Variants in SRCAP observed in about 807,000 individuals in gnomAD.
SRCAP encodes Snf2 related CREBBP activator protein.
Under a neutral mutation model 263.1 loss-of-function variants are expected in SRCAP, and 46 were observed. The ratio of observed to expected loss-of-function variants is 0.17; its 90% CI spans 0.14 to 0.22. SRCAP has a LOEUF of 0.22. Among genes scored for constraint, SRCAP ranks in the 10% least tolerant of loss-of-function variants. The pLI is 1.00. For missense variants in SRCAP, 3,695 were observed against 4,181.9 expected, an observed-to-expected ratio of 0.88 and a Z score of 3.21; for synonymous variants, 1,813 against 1,662.1, an observed-to-expected ratio of 1.09 and a Z score of -2.21.
chr16:30,720,767 C>A lies in SRCAP; in HGVS notation c.3042C>A (p.Asn1014Lys). ...QEGRTVVVVN[N>K]PRAPLGPVPV... Reference sequence around the variant, plus strand: ...GCCGGACAGTGGTGGTGGTGAACAACCCACGGGCGCCCCTGGGCCCTGTCC... The same window carrying A: ...GCCGGACAGTGGTGGTGGTGAACAAACCACGGGCGCCCCTGGGCCCTGTCC... The change falls in exon 20 of 34, where the codon AAC becomes AAA. Residue 1014 changes from asparagine to lysine, a missense_variant. Around this residue, in one of 12 missense-constraint regions of SRCAP, gnomAD observed 1,347 missense variants for 1,304.4 expected, o/e 1.03. Coordinates refer to ENST00000262518, the MANE Select transcript of SRCAP (RefSeq NM_006662.3). 2 of 1,613,848 alleles carry A rather than the reference C, an allele frequency of 1.2e-6. No homozygotes were observed. Among genetic ancestry groups the A allele is most frequent in the Non-Finnish European group, 1.7e-6 (2 of 1,179,914 alleles).
At chr16:30,728,277 T>C (rs1171291711) in intron 25 of SRCAP, among the ~76,000 whole-genome samples, 1 of 152,222 alleles carries the variant, frequency 6.6e-6, no homozygotes, top group African/African-American at 2.4e-5. Context: ...TCATGTTGTA[T>C]GGGGCCTACC....
At position 30,739,411 on chromosome 16, in the gene SRCAP, C is replaced by T. The variant is rs1307686651; in HGVS notation, c.9371C>T (p.Pro3124Leu). 6.2e-7 allele frequency: 1 copy of T among 1,614,114 alleles called. No homozygotes were observed. Among genetic ancestry groups the T allele is most frequent in the African/African-American group, 1.3e-5 (1 of 74,942 alleles). The change falls in exon 34 of 34, where the codon CCA becomes CTA. Residue 3124 changes from proline to leucine, a missense_variant. By Grantham distance (98) the Pro-to-Leu change is moderately conservative (BLOSUM62 -3). This residue lies in a region of SRCAP where 1,207 missense variants were observed against 1,142.9 expected (regional missense o/e 1.06). Transcript: ENST00000262518. ...AAACTGCGCTCGACCCGGCTGCGTCCAGGGTCTCTAGTCCCCCCACTAGAG... is the reference window on the plus strand; with the variant it reads ...AAACTGCGCTCGACCCGGCTGCGTCTAGGGTCTCTAGTCCCCCCACTAGAG... ...TPKLRSTRLRPGSLVPPLETE... is the reference protein window; with the variant it reads ...TPKLRSTRLRLGSLVPPLETE...
In SRCAP at chr16:30,721,408, C is replaced by T. The variant is rs1359544315; in HGVS notation, c.3473C>T (p.Ala1158Val). 2 of 1,613,714 alleles carry T rather than the reference C, an allele frequency of 1.2e-6. No homozygotes were observed. The highest frequency in any genetic ancestry group is 4.5e-5 in the East Asian group (2 of 44,890). The change falls in exon 21 of 34, where the codon GCA becomes GTA. Residue 1158 changes from alanine to valine, a missense_variant. By Grantham distance (64) the Ala-to-Val change is moderately conservative. Coordinates refer to ENST00000262518, the MANE Select transcript of SRCAP (RefSeq NM_006662.3). ...STTTATATTT[A>V]VPAPTPAPQR... ...ACCACGGCAACTGCTACCACCACAGCAGTGCCAGCTCCGACTCCTGCACCA... is the reference window on the plus strand; with the variant it reads ...ACCACGGCAACTGCTACCACCACAGTAGTGCCAGCTCCGACTCCTGCACCA...
At chr16:30,706,744 C>T (rs1189858893) in intron 4 of SRCAP, among the ~76,000 whole-genome samples, 2 of 152,112 alleles carry the variant, frequency 1.3e-5, no homozygotes, top group Non-Finnish European at 2.9e-5. Context: ...AAGTAGAATT[C>T]TACAATGATG....
In SRCAP at chr16:30,739,969, A is replaced by G. The variant is rs912104979; in HGVS notation, c.*236A>G. 1.0e-5 allele frequency: 5 copies of G among 498,682 alleles called. No homozygotes were observed. The highest frequency in any genetic ancestry group is 6.0e-5 in the African/African-American group (3 of 50,080). 30.9% of individuals were successfully genotyped at this position (498,682 alleles called of 1,614,324 possible). On this transcript the variant is annotated 3_prime_UTR_variant, in exon 34 of 34. Coordinates refer to ENST00000262518, the MANE Select transcript of SRCAP (RefSeq NM_006662.3). Reference sequence around the variant, plus strand: ...GCTGGGCAGTGTTAAGGGTGGCAAGATAGTCTCTGTCCCCACCCCCTTGTA... The same window carrying G: ...GCTGGGCAGTGTTAAGGGTGGCAAGGTAGTCTCTGTCCCCACCCCCTTGTA...
chr16:30,703,979 T>C, intron 3 of SRCAP, 85 bp from the exon 4 acceptor site: 2 of 1,477,552 alleles, frequency 1.4e-6, no homozygotes, highest in Non-Finnish European at 1.8e-6. Flanking sequence ...AGTTTTTTCT[T>C]GTGAAGATCG....
At chr16:30,702,850 C>T (rs1490595728) in intron 3 of SRCAP, among the ~76,000 whole-genome samples, 9 of 151,706 alleles carry the variant, frequency 5.9e-5, no homozygotes, top group South Asian at 2.1e-4. Flanking sequence ...GTGATCCGCC[C>T]GCCTCGGCCT....
intron 8 of SRCAP, 146 bp downstream of exon 8, chr16:30,710,274 A>G (rs1567241944): frequency 1.1e-6 from 1 of 899,226 alleles, no homozygotes; most frequent in Non-Finnish European, 1.7e-6. Flanking sequence ...TGACTGGGGA[A>G]GAATCTGTTT....
chr16:30,738,827 C>T lies in SRCAP; in HGVS notation c.8787C>T (p.Pro2929=), dbSNP rs781590684. Residue 2929 remains proline (P), a synonymous_variant, in exon 34 of 34, where the codon CCC becomes CCT. Transcript: ENST00000262518. Reference sequence around the variant, plus strand: ...CCCAGCCAGTTCACAGACCCAATCCCCTCCTGTCACCTGTGGAGAAAAGAA... The same window carrying T: ...CCCAGCCAGTTCACAGACCCAATCCTCTCCTGTCACCTGTGGAGAAAAGAA... ...LGPQPVHRPN[P]LLSPVEKRRR... The T allele has an allele frequency of 2.1e-5, 34 of 1,614,074 alleles. No individual in the cohort carries two copies. The highest frequency in any genetic ancestry group is 2.8e-5 in the Non-Finnish European group (33 of 1,179,978).
At chr16:30,714,529 TC>T (rs2052926846) in intron 16 of SRCAP, among the ~76,000 whole-genome samples, 1 of 145,090 alleles carries the variant, frequency 6.9e-6, no homozygotes, top group African/African-American at 2.6e-5. Flanking sequence ...TGAGACAGAG[TC>T]TCTCTCTGTC....
In SRCAP at chr16:30,704,269, C is replaced by G; in HGVS notation, c.260C>G (p.Pro87Arg). 6.2e-7 allele frequency: 1 copy of G among 1,613,388 alleles called. No homozygotes were observed. Among genetic ancestry groups the G allele is most frequent in the Admixed American group, 1.7e-5 (1 of 59,980 alleles). Residue 87 changes from proline (P) to arginine (R), a missense_variant, in exon 4 of 34, where the codon CCG (proline) becomes CGG (arginine). Pro to Arg is a moderately radical substitution (Grantham distance 103). Coordinates refer to ENST00000262518, the MANE Select transcript of SRCAP (RefSeq NM_006662.3). ...GCTGCTGACCTGGCTAACAAGGGCC[C>G]GAAGTGGGAGAAGAGCCATGCCGAA... ...SQAADLANKGPKWEKSHAEIA... is the reference protein window; with the variant it reads ...SQAADLANKGRKWEKSHAEIA...
intron 16 of SRCAP, among the ~76,000 whole-genome samples, chr16:30,715,092 G>C (rs768312162): frequency 7.9e-5 from 12 of 152,112 alleles, no homozygotes; most frequent in Non-Finnish European, 1.6e-4. Context: ...TCTCCAGTCT[G>C]TACTAAAATT....
At chr16:30,705,759 T>C (rs1417182159) in intron 4 of SRCAP, among the ~76,000 whole-genome samples, 1 of 149,974 alleles carries the variant, frequency 6.7e-6, no homozygotes, top group East Asian at 2.0e-4. Flanking sequence ...GAGGCTGGAG[T>C]GCAGTGGCAT....
chr16:30,711,359 G>A (rs1360315028), intron 10 of SRCAP, among the ~76,000 whole-genome samples: 3 of 152,220 alleles, frequency 2.0e-5, no homozygotes, highest in Non-Finnish European at 4.4e-5. Flanking sequence ...AGGCTCACCA[G>A]GTTGATAATG....
Position 30,721,356 on chromosome 16 carries a change from C to G in SRCAP, c.3421C>G (p.Pro1141Ala). The part of the protein sequence containing the change: ...LTVPPGYTFP[P>A]AAATTTSTTT... ...AGTGCCACCAGGCTACACCTTCCCT[C>G]CTGCTGCTGCCACCACCACTTCTAC... The change falls in exon 21 of 34, where the codon CCT (proline) becomes GCT (alanine). Residue 1141 changes from proline to alanine, a missense_variant. This residue lies in a region of SRCAP where 1,347 missense variants were observed against 1,304.4 expected (regional missense o/e 1.03). Transcript: ENST00000262518. The G allele has an allele frequency of 6.2e-7, 1 of 1,614,156 alleles. No individual in the cohort carries two copies. Among genetic ancestry groups the G allele is most frequent in the Non-Finnish European group, 8.5e-7 (1 of 1,180,042 alleles).
Position 30,734,522 on chromosome 16 carries a change from G to A in SRCAP, c.6636G>A (p.Met2212Ile), listed in dbSNP as rs1267434875. Residue 2212 changes from methionine (M) to isoleucine (I), a missense_variant, in exon 31 of 34, where the codon ATG becomes ATA. Met to Ile is a conservative substitution (Grantham distance 10, BLOSUM62 1). This residue lies in a region of SRCAP where 53 missense variants were observed against 45.6 expected (regional missense o/e 1.16). Transcript: ENST00000262518. ...KQQTIRELFD[M>I]PLEEPSSSSV... ...AGACCATCCGAGAGCTGTTTGATATGCCCCTGGAGGAACCTTCTAGCTCAT... is the reference window on the plus strand; with the variant it reads ...AGACCATCCGAGAGCTGTTTGATATACCCCTGGAGGAACCTTCTAGCTCAT... 5 of 1,613,836 alleles carry A rather than the reference G, an allele frequency of 3.1e-6. No homozygotes were observed. In the Admixed American group the frequency reaches 6.7e-5, roughly 22 times the overall value.
Position 30,707,287 on chromosome 16 carries a change from G to A in SRCAP, c.411G>A (p.Trp137Ter), listed in dbSNP as rs748057143. The change falls in exon 5 of 34, where the codon TGG (tryptophan) becomes TGA (stop). Residue 137 changes from tryptophan (W) to a stop codon, truncating the protein, a stop_gained. Transcript: ENST00000262518. LOFTEE classifies it high-confidence loss of function. ...VPEPPRPKGH[W>*]DYLCEEMQWL... ...AGCCCCCTCGCCCCAAAGGTCACTG[G>A]GACTATTTGTGCGAAGAGATGCAGT... is the stretch of plus-strand genomic sequence containing the variant. 1 of 1,614,182 alleles carries A rather than the reference G, an allele frequency of 6.2e-7. No individual in the cohort carries two copies.
intron 27 of SRCAP, among the ~76,000 whole-genome samples, chr16:30,732,614 A>G (rs2053124187): frequency 1.3e-5 from 2 of 152,176 alleles, no homozygotes; most frequent in African/African-American, 2.4e-5. Context: ...AGCTGTGACC[A>G]TGGATTTGTT....
chr16:30,699,282 T>A, intron 1 of SRCAP, 40 bp downstream of exon 1: 1 of 398,122 alleles, frequency 2.5e-6, no homozygotes, highest in Non-Finnish European at 4.4e-6. Context: ...GAGTAGGGAG[T>A]GAATCAAAGC....
Sources: allele counts gnomAD v4.1 joint callset (sites outside exome capture counted in the v4.1 genomes callset), GRCh38; gene constraint gnomAD v4.1.1; regional missense constraint gnomAD v4.1.1; transcripts MANE v1.5; gene names NCBI Gene and HGNC (gene_info 2026-07-23, HGNC 2026-07-21).